Variants in DDHD1 observed in about 807,000 individuals in gnomAD.
DDHD1 encodes the protein DDHD domain containing 1, also known as phospholipase DDHD1.
DDHD1 carries 49 observed loss-of-function variants against 96.4 expected under a neutral mutation model. The observed-to-expected ratio is 0.51, with a 90% CI of 0.40 to 0.64. The LOEUF (loss-of-function observed/expected upper bound fraction) is 0.64, where lower values mean the gene tolerates loss of function less well. Ranked by LOEUF, DDHD1 falls within the 30% of genes least tolerant of loss-of-function variation. DDHD1 has a pLI of 0.00. For synonymous variants in DDHD1, 442 were observed against 446.5 expected (o/e 0.99, Z 0.13); for missense variants, 1,106 against 1,161.2 (o/e 0.95, Z 0.69).
chr14:53,087,725 G>T (rs1265228794), intron 4 of DDHD1, among the ~76,000 whole-genome samples: 1 of 152,092 alleles, frequency 6.6e-6, no homozygotes, highest in Non-Finnish European at 1.5e-5. Context: ...ATCTAACATT[G>T]ACACCCCAAC....
At chr14:53,108,213 C>T (rs1887842341) in intron 1 of DDHD1, among the ~76,000 whole-genome samples, 1 of 152,338 alleles carries the variant, frequency 6.6e-6, no homozygotes, top group South Asian at 2.1e-4. Flanking sequence ...TGCTCCTGAT[C>T]CAGCGAGGCG....
intron 2 of DDHD1, among the ~76,000 whole-genome samples, chr14:53,101,671 CAA>C (rs1255769267): frequency 1.3e-5 from 2 of 152,028 alleles, no homozygotes; most frequent in Non-Finnish European, 2.9e-5. Context: ...TACACATACG[CAA>C]AGACATTCTA....
chr14:53,060,380 T>C (rs991628456), intron 8 of DDHD1, among the ~76,000 whole-genome samples: 8 of 152,230 alleles, frequency 5.3e-5, no homozygotes, highest in African/African-American at 1.7e-4. Context: ...CCAATGCCTA[T>C]ATCAATGTAA....
At chr14:53,084,959 C>A (rs1301987586) in intron 4 of DDHD1, among the ~76,000 whole-genome samples, 1 of 152,256 alleles carries the variant, frequency 6.6e-6, no homozygotes, top group Non-Finnish European at 1.5e-5. Context: ...GCAAATGTCA[C>A]ACCAGATTAT....
intron 1 of DDHD1, among the ~76,000 whole-genome samples, chr14:53,107,471 C>T (rs1452983727): frequency 2.0e-5 from 3 of 152,062 alleles, no homozygotes; most frequent in South Asian, 2.1e-4. Context: ...CTTCATCACA[C>T]CAATCAGAAA....
chr14:53,153,191 G>A lies in DDHD1; in HGVS notation c.-93C>T, dbSNP rs904706545. 37 of 1,145,672 alleles carry A rather than the reference G, an allele frequency of 3.2e-5. No individual in the cohort carries two copies. The highest frequency in any genetic ancestry group is 6.1e-4 in the Middle Eastern group (2 of 3,278). The allele number at this position is 1,145,672 out of a possible 1,614,324, so 71.0% of individuals were successfully genotyped here. On this transcript the variant is annotated 5_prime_UTR_variant, in exon 1 of 13. Coordinates refer to ENST00000673822, the MANE Select transcript of DDHD1 (RefSeq NM_001160148.2). ...TTCAACGCCGCCGCCCTCTCCACCC[G>A]AAGTTTCTAATCTTTCAAATCCCGA...
At chr14:53,084,126 C>G (rs1444177511) in intron 4 of DDHD1, among the ~76,000 whole-genome samples, 3 of 152,142 alleles carry the variant, frequency 2.0e-5, no homozygotes, top group Non-Finnish European at 4.4e-5. Flanking sequence ...CTAGCTAATG[C>G]ACAGACTAGC....
intron 11 of DDHD1, chr14:53,053,292 A>G (rs2139830066): frequency 1.3e-5 from 2 of 152,310 alleles, no homozygotes; most frequent in South Asian, 4.1e-4. Flanking sequence ...GAAACAAGTC[A>G]GAAATAGTAT....
Position 53,058,397 on chromosome 14 carries a change from G to A in DDHD1, c.1992+80C>T, listed in dbSNP as rs148218075. Reference sequence around the variant, plus strand: ...CCCAAAGTGCTGGGATTACAAGCGTGAGCCACTGTGCCCAGCTGATAGATT... The same window carrying A: ...CCCAAAGTGCTGGGATTACAAGCGTAAGCCACTGTGCCCAGCTGATAGATT... On this transcript the variant is annotated intron_variant, in intron 9 of 12. Transcript: ENST00000673822. 647 of 1,472,824 alleles carry A rather than the reference G, an allele frequency of 4.4e-4. 3 individuals are homozygous for A. In the African/African-American group the frequency reaches 8.4e-3, roughly 19 times the overall value. The allele number at this position is 1,472,824 out of a possible 1,614,324, so 91.2% of individuals were successfully genotyped here.
Position 53,152,977 on chromosome 14 carries a change from A to G in DDHD1, c.122T>C (p.Phe41Ser). The change falls in exon 1 of 13, where the codon TTC (phenylalanine) becomes TCC (serine). Residue 41 changes from phenylalanine to serine, a missense_variant. Phe to Ser is a radical substitution (Grantham distance 155). Coordinates refer to ENST00000673822, the MANE Select transcript of DDHD1 (RefSeq NM_001160148.2). ...CGGGTCCCCGCCGGGCAGGTGCTCG[A>G]AGCAGCAGACGCCGCCGCCGAACGC... ...RPAFGGGVCC[F>S]EHLPGGDPDD... 2 of 1,570,190 alleles carry G rather than the reference A, an allele frequency of 1.3e-6. No individual in the cohort carries two copies. Among genetic ancestry groups the G allele is most frequent in the Non-Finnish European group, 1.7e-6 (2 of 1,161,484 alleles).
chr14:53,106,152 T>C (rs1004895376), intron 1 of DDHD1, among the ~76,000 whole-genome samples: 12 of 152,348 alleles, frequency 7.9e-5, no homozygotes, highest in Admixed American at 2.0e-4. Flanking sequence ...TTTTATTCTT[T>C]TTACTTTGTC....
intron 4 of DDHD1, among the ~76,000 whole-genome samples, chr14:53,081,164 C>G (rs569783171): frequency 6.6e-6 from 1 of 152,262 alleles, no homozygotes; most frequent in Non-Finnish European, 1.5e-5. Flanking sequence ...AATAAAATGA[C>G]AGCCAAAACT....
At chr14:53,059,599 C>T (rs1278374165) in intron 8 of DDHD1, among the ~76,000 whole-genome samples, 8 of 149,814 alleles carry the variant, frequency 5.3e-5, no homozygotes, top group Admixed American at 2.6e-4. Context: ...GGTGCGGTGG[C>T]CCACGCCTGT....
intron 2 of DDHD1, among the ~76,000 whole-genome samples, chr14:53,096,440 A>T (rs1042690026): frequency 8.5e-5 from 13 of 152,076 alleles, no homozygotes; most frequent in Non-Finnish European, 1.5e-4. Flanking sequence ...TAATATCTAA[A>T]TTTATTAAAA....
chr14:53,096,621 G>A (rs1886903140), intron 2 of DDHD1, among the ~76,000 whole-genome samples: 1 of 151,706 alleles, frequency 6.6e-6, no homozygotes, highest in Non-Finnish European at 1.5e-5. Flanking sequence ...AATTGAAAAT[G>A]CAATAAATAA....
intron 1 of DDHD1, among the ~76,000 whole-genome samples, chr14:53,132,378 C>T (rs1466860050): frequency 6.6e-6 from 1 of 152,192 alleles, no homozygotes; most frequent in Non-Finnish European, 1.5e-5. Context: ...TTCATTTCCC[C>T]ATATTTCCTT....
At chr14:53,140,982 T>C (rs1890604736) in intron 1 of DDHD1, among the ~76,000 whole-genome samples, 1 of 152,214 alleles carries the variant, frequency 6.6e-6, no homozygotes, top group South Asian at 2.1e-4. Flanking sequence ...GGGGGATATT[T>C]CAAAGTGATA....
At chr14:53,126,646 G>C (rs1190835588) in intron 1 of DDHD1, among the ~76,000 whole-genome samples, 2 of 152,174 alleles carry the variant, frequency 1.3e-5, no homozygotes, top group Non-Finnish European at 2.9e-5. Context: ...GGGATTATAG[G>C]CATGAGCCAC....
intron 1 of DDHD1, among the ~76,000 whole-genome samples, chr14:53,148,932 A>G (rs773707472): frequency 6.6e-6 from 1 of 152,248 alleles, no homozygotes; most frequent in Non-Finnish European, 1.5e-5. Flanking sequence ...AAACAAGTCT[A>G]TGAAGTGAGT....
Sources: allele counts gnomAD v4.1 joint callset (sites outside exome capture counted in the v4.1 genomes callset), GRCh38; gene constraint gnomAD v4.1.1; transcripts MANE v1.5; gene names NCBI Gene and HGNC (gene_info 2026-07-23, HGNC 2026-07-21).